HIPK2: variants seen among roughly 807,000 people sequenced by gnomAD.
HIPK2 encodes the protein homeodomain-interacting protein kinase 2.
In HIPK2, 27 loss-of-function variants were observed where a neutral mutation model predicts 113.7. That is an observed-to-expected ratio of 0.24 (90% CI 0.17 to 0.33). The LOEUF is 0.33. HIPK2 is among the 10% of genes least tolerant of loss of function. The pLI, the probability that HIPK2 is intolerant of heterozygous loss-of-function variation, is 1.00. For missense variants in HIPK2, 1,257 were observed against 1,588.0 expected, an observed-to-expected ratio of 0.79 and a Z score of 3.54; for synonymous variants, 631 against 642.2, an observed-to-expected ratio of 0.98 and a Z score of 0.26.
In HIPK2 at chr7:139,631,329, A is replaced by C. The variant is rs370214363; in HGVS notation, c.1228-45T>G. On this transcript the variant is annotated intron_variant, in intron 3 of 14. Coordinates refer to ENST00000406875, the MANE Select transcript of HIPK2 (RefSeq NM_022740.5). The surrounding 1 kb of genome is among the most constrained non-coding windows in gnomAD (Gnocchi z 4.9). ...TGAGGTCAGGGCTTTTCCTGTCACT[A>C]TACATATGGTATACTAATGGCTCTG... 1.3e-6 allele frequency: 2 copies of C among 1,574,490 alleles called. No homozygotes were observed. Among genetic ancestry groups the C allele is most frequent in the Non-Finnish European group, 1.7e-6 (2 of 1,158,902 alleles).
intron 2 of HIPK2, among the ~76,000 whole-genome samples, chr7:139,707,152 A>T (rs1794925054): frequency 6.6e-6 from 1 of 151,996 alleles, no homozygotes; most frequent in Admixed American, 6.6e-5. Flanking sequence ...CATGGGGCTT[A>T]CTCCTCTCAG....
At chr7:139,597,689 A>C (rs530714179) in intron 11 of HIPK2, among the ~76,000 whole-genome samples, 1 of 152,340 alleles carries the variant, frequency 6.6e-6, no homozygotes, top group Admixed American at 6.5e-5. Flanking sequence ...TCTAAATTGT[A>C]ATAGAAAATT....
rs1318621902 is a variant in HIPK2, at chr7:139,683,586, A to G, written c.1103+32346T>C. Reference sequence around the variant, plus strand: ...GAAGTGAAACACCGTCATTTCTGCCAGATTCTCTGGGTCACACAGACCAAT... The same window carrying G: ...GAAGTGAAACACCGTCATTTCTGCCGGATTCTCTGGGTCACACAGACCAAT... On this transcript the variant is annotated intron_variant, in intron 2 of 14. Transcript: ENST00000406875. The surrounding 1 kb of genome is among the most constrained non-coding windows in gnomAD (Gnocchi z 4.2). 6.6e-6 allele frequency among the ~76,000 whole-genome samples: 1 copy of G among 152,222 alleles called. No individual in the cohort carries two copies. The highest frequency in any genetic ancestry group is 1.5e-5 in the Non-Finnish European group (1 of 68,048).
chr7:139,692,841 GC>G (rs1303182460), intron 2 of HIPK2, among the ~76,000 whole-genome samples: 1 of 152,226 alleles, frequency 6.6e-6, no homozygotes, highest in African/African-American at 2.4e-5. Flanking sequence ...AAGAAGTACG[GC>G]TCTAAATTTC....
chr7:139,681,865 C>G (rs1293575160), intron 2 of HIPK2, among the ~76,000 whole-genome samples: 1 of 152,170 alleles, frequency 6.6e-6, no homozygotes, highest in Non-Finnish European at 1.5e-5. Flanking sequence ...TTTCTTTGTC[C>G]ACTGACTGGG....
chr7:139,586,103 C>T (rs1252254190), intron 12 of HIPK2, among the ~76,000 whole-genome samples: 2 of 152,064 alleles, frequency 1.3e-5, no homozygotes, highest in African/African-American at 4.8e-5. Context: ...ATGAATCGTA[C>T]AGATGATAAT....
At chr7:139,675,246 T>A (rs9692401) in intron 2 of HIPK2, among the ~76,000 whole-genome samples, 1 of 150,138 alleles carries the variant, frequency 6.7e-6, no homozygotes, top group Admixed American at 6.6e-5. Flanking sequence ...TTAAAAAGAG[T>A]CCGTTATGTT....
rs191150802 is a variant in HIPK2 at position 139,705,393 on chromosome 7, T to C, written c.1103+10539A>G. Among the ~76,000 whole-genome samples, 451 of 152,270 alleles carry C rather than the reference T, an allele frequency of 3.0e-3. 5 individuals carry two copies. Among genetic ancestry groups the C allele is most frequent in the African/African-American group, 0.01 (428 of 41,550 alleles). ...CTAGTAGTTTCCCCCTTTTTTTTTT[T>C]TGAGACGGAGTCTCGCTATGTCGCC... On this transcript the variant is annotated intron_variant, in intron 2 of 14. Coordinates refer to ENST00000406875, the MANE Select transcript of HIPK2 (RefSeq NM_022740.5).
chr7:139,660,165 T>C (rs998642218), intron 2 of HIPK2, among the ~76,000 whole-genome samples: 3 of 152,208 alleles, frequency 2.0e-5, no homozygotes, highest in African/African-American at 7.2e-5. Context: ...AAGGGTGTTA[T>C]TGTCTGTCTC....
chr7:139,726,620 G>A (rs2117006644), intron 1 of HIPK2, among the ~76,000 whole-genome samples: 1 of 152,318 alleles, frequency 6.6e-6, no homozygotes, highest in East Asian at 1.9e-4. Context: ...ATTTACTGAA[G>A]TGTCAGGAGC....
intron 11 of HIPK2, 66 bp from the exon 12 acceptor site, chr7:139,597,064 C>A: frequency 6.7e-7 from 1 of 1,502,164 alleles, no homozygotes. Context: ...TCGAAGGAGC[C>A]CAATTGCCTA....
chr7:139,653,404 T>C (rs1801535775), intron 2 of HIPK2, among the ~76,000 whole-genome samples: 1 of 150,892 alleles, frequency 6.6e-6, no homozygotes, highest in Non-Finnish European at 1.5e-5. Context: ...TATCAACTGT[T>C]ACAGAATGGG....
At chr7:139,584,161 G>A in intron 12 of HIPK2, 97 bp from the exon 13 acceptor site, 1 of 1,484,278 alleles carries the variant, frequency 6.7e-7, no homozygotes, top group East Asian at 2.3e-5. Flanking sequence ...GGGAGGCAGA[G>A]GGGAGAGGGC....
intron 9 of HIPK2, among the ~76,000 whole-genome samples, chr7:139,607,159 T>C (rs537115507): frequency 4.6e-4 from 70 of 152,134 alleles, no homozygotes; most frequent in Non-Finnish European, 7.9e-4. Context: ...CAAAAAAGTT[T>C]AAGAAATCTC....
At chr7:139,763,190 G>T (rs1163220430) in intron 1 of HIPK2, among the ~76,000 whole-genome samples, 1 of 152,210 alleles carries the variant, frequency 6.6e-6, no homozygotes, top group East Asian at 1.9e-4. Flanking sequence ...AGCCGGGACT[G>T]TGCTGTGATC....
At chr7:139,653,910 T>C (rs1437635257) in intron 2 of HIPK2, among the ~76,000 whole-genome samples, 2 of 152,084 alleles carry the variant, frequency 1.3e-5, no homozygotes, top group Non-Finnish European at 2.9e-5. Context: ...TTTTTGTATT[T>C]TTAGTAGAGA....
intron 1 of HIPK2, among the ~76,000 whole-genome samples, chr7:139,760,601 A>T (rs946798138): frequency 1.3e-5 from 2 of 152,226 alleles, no homozygotes; most frequent in Non-Finnish European, 2.9e-5. Context: ...TTTCGAAACT[A>T]CATTCTTTAC....
chr7:139,661,452 C>G (rs1396623362), intron 2 of HIPK2, among the ~76,000 whole-genome samples: 1 of 152,202 alleles, frequency 6.6e-6, no homozygotes, highest in Non-Finnish European at 1.5e-5. Flanking sequence ...CTTTTACATA[C>G]TTGAAGACAG....
chr7:139,660,060 CA>C (rs1309342110), intron 2 of HIPK2, among the ~76,000 whole-genome samples: 1 of 152,166 alleles, frequency 6.6e-6, no homozygotes, highest in Non-Finnish European at 1.5e-5. Flanking sequence ...AACCTTTTAT[CA>C]AAAACAAACA....
Sources: gnomAD v4.1 joint callset for allele counts (sites outside exome capture counted in the v4.1 genomes callset) on GRCh38, gnomAD v4.1.1 for gene constraint, Gnocchi (gnomAD v3.1) non-coding constraint, MANE v1.5 for transcripts, NCBI Gene and HGNC (gene_info 2026-07-23, HGNC 2026-07-21) for gene names.